Variants in ABTB3 observed in about 807,000 individuals in gnomAD.
The protein encoded by ABTB3 is ankyrin repeat- and BTB/POZ domain-containing protein 3.
chr12:107,494,511 C>T, the ABTB3 span, among the ~76,000 whole-genome samples: 54 of 152,284 alleles, frequency 3.5e-4, no homozygotes, highest in African/African-American at 1.3e-3. Context: ...CTCTCCCAGC[C>T]TAGACCGGGT....
the ABTB3 span, among the ~76,000 whole-genome samples, chr12:107,361,064 A>C: frequency 1.4e-5 from 2 of 146,280 alleles, no homozygotes; most frequent in African/African-American, 5.1e-5. Flanking sequence ...CCCTGGGATT[A>C]CAGGTGTGAG....
At chr12:107,338,205 CT>C in the ABTB3 span, among the ~76,000 whole-genome samples, 16 of 152,168 alleles carry the variant, frequency 1.1e-4, no homozygotes, top group Non-Finnish European at 2.1e-4. Flanking sequence ...TTGAATGAAA[CT>C]GAAAAGGGGG....
the ABTB3 span, among the ~76,000 whole-genome samples, chr12:107,505,181 A>G: frequency 6.6e-6 from 1 of 152,186 alleles, no homozygotes. Flanking sequence ...TCCCTTTCTA[A>G]TGTGACTACC....
the ABTB3 span, among the ~76,000 whole-genome samples, chr12:107,577,514 G>A: frequency 1.3e-5 from 2 of 152,058 alleles, no homozygotes; most frequent in Non-Finnish European, 1.5e-5. Flanking sequence ...GGCCATGTCC[G>A]TGTATGTTCT....
chr12:107,630,143 G>C, the ABTB3 span, among the ~76,000 whole-genome samples: 1 of 152,166 alleles, frequency 6.6e-6, no homozygotes, highest in Admixed American at 6.5e-5. Flanking sequence ...TCTGTTCCTT[G>C]AAAAAGAAGC....
the ABTB3 span, among the ~76,000 whole-genome samples, chr12:107,404,342 G>A: frequency 6.6e-6 from 1 of 152,056 alleles, no homozygotes; most frequent in Non-Finnish European, 1.5e-5. Flanking sequence ...TGCTTCCACA[G>A]CAAAATCTCT....
At chr12:107,432,909 C>G in the ABTB3 span, among the ~76,000 whole-genome samples, 1 of 152,182 alleles carries the variant, frequency 6.6e-6, no homozygotes, top group Non-Finnish European at 1.5e-5. Flanking sequence ...TGAAAAGCTT[C>G]CTTCTCCACA....
At chr12:107,320,514 G>T in the ABTB3 span, 4 of 436,462 alleles carry the variant, frequency 9.2e-6, no homozygotes, top group Non-Finnish European at 1.8e-5. Context: ...TCCGCTCTCC[G>T]CAATCCAGTG....
At chr12:107,500,285 C>A in the ABTB3 span, among the ~76,000 whole-genome samples, 10 of 152,206 alleles carry the variant, frequency 6.6e-5, no homozygotes, top group African/African-American at 2.4e-4. Flanking sequence ...GGCAAGCACC[C>A]TGCTGCCCTC....
the ABTB3 span, among the ~76,000 whole-genome samples, chr12:107,537,978 A>C: frequency 6.6e-6 from 1 of 152,120 alleles, no homozygotes; most frequent in Admixed American, 6.5e-5. Flanking sequence ...CTGACCTCCC[A>C]GCCAAGGGCA....
chr12:107,527,407 G>T, the ABTB3 span, among the ~76,000 whole-genome samples: 1 of 152,128 alleles, frequency 6.6e-6, no homozygotes, highest in South Asian at 2.1e-4. Flanking sequence ...AAGTAGCTGG[G>T]ACTACAGGCA....
the ABTB3 span, chr12:107,618,441 A>G: frequency 2.9e-6 from 4 of 1,397,208 alleles, no homozygotes; most frequent in South Asian, 1.3e-5. Flanking sequence ...CCACACACAC[A>G]TGAACACGCA....
chr12:107,598,515 A>C, the ABTB3 span, among the ~76,000 whole-genome samples: 1 of 152,240 alleles, frequency 6.6e-6, no homozygotes, highest in African/African-American at 2.4e-5. Flanking sequence ...TATTACTATG[A>C]GGAAGAAGTG....
the ABTB3 span, among the ~76,000 whole-genome samples, chr12:107,375,029 A>G: frequency 1.1e-4 from 17 of 152,278 alleles, no homozygotes; most frequent in Middle Eastern, 6.8e-3. Context: ...GTCATGCAAC[A>G]CACAGAGAAA....
At chr12:107,454,405 T>A in the ABTB3 span, among the ~76,000 whole-genome samples, 1 of 152,248 alleles carries the variant, frequency 6.6e-6, no homozygotes, top group Non-Finnish European at 1.5e-5. Context: ...AAGCTGGTTT[T>A]GCTCCTAAGT....
chr12:107,397,237 A>G, the ABTB3 span, among the ~76,000 whole-genome samples: 1 of 152,228 alleles, frequency 6.6e-6, no homozygotes, highest in African/African-American at 2.4e-5. Flanking sequence ...TATTAGCAAC[A>G]TCTGAGAGTT....
At chr12:107,455,496 G>T in the ABTB3 span, among the ~76,000 whole-genome samples, 1 of 151,884 alleles carries the variant, frequency 6.6e-6, no homozygotes, top group African/African-American at 2.4e-5. Context: ...GTTGTGAGCA[G>T]TGTCTCACTC....
chr12:107,334,314 G>T, the ABTB3 span, among the ~76,000 whole-genome samples: 9 of 152,268 alleles, frequency 5.9e-5, no homozygotes, highest in Non-Finnish European at 7.4e-5. Context: ...AGCCAGGGTG[G>T]TAGCAGTGGA....
At chr12:107,629,937 C>A in the ABTB3 span, among the ~76,000 whole-genome samples, 1 of 152,100 alleles carries the variant, frequency 6.6e-6, no homozygotes, top group African/African-American at 2.4e-5. Context: ...CAGCAGTCAC[C>A]TGATACGAAT....
Sources: allele counts gnomAD v4.1 joint callset (sites outside exome capture counted in the v4.1 genomes callset), GRCh38; gene constraint gnomAD v4.1.1; transcripts MANE v1.5; gene names NCBI Gene and HGNC (gene_info 2026-07-23, HGNC 2026-07-21).